Variants in SPTBN1 observed in about 807,000 individuals in gnomAD.
The protein encoded by SPTBN1 is spectrin beta, non-erythrocytic 1.
Under a neutral mutation model 266.4 loss-of-function variants are expected in SPTBN1, and 32 were observed. The ratio of observed to expected loss-of-function variants is 0.12; its 90% CI spans 0.09 to 0.16. The LOEUF (loss-of-function observed/expected upper bound fraction) is 0.16, where lower values mean the gene tolerates loss of function less well. SPTBN1 is among the 10% of genes least tolerant of loss of function. SPTBN1 has a pLI of 1.00. For synonymous variants in SPTBN1, 1,336 were observed against 1,162.2 expected (o/e 1.15, Z -3.04); for missense variants, 2,296 against 3,067.1 (o/e 0.75, Z 5.94).
At chr2:54,578,612 A>G (rs13403284) in intron 2 of SPTBN1, among the ~76,000 whole-genome samples, 48,093 of 151,906 alleles carry the variant, frequency 0.32, 9,404 homozygotes, top group African/African-American at 0.56. Flanking sequence ...GTATCCTAAA[A>G]CCACAAACTT....
chr2:54,592,937 C>T (rs1458184403), intron 2 of SPTBN1, among the ~76,000 whole-genome samples: 1 of 152,142 alleles, frequency 6.6e-6, no homozygotes, highest in Non-Finnish European at 1.5e-5. Flanking sequence ...ATCCCACCTA[C>T]CTAATAGTTT....
At chr2:54,569,188 G>A (rs1014277672) in intron 2 of SPTBN1, among the ~76,000 whole-genome samples, 2 of 152,268 alleles carry the variant, frequency 1.3e-5, no homozygotes, top group Admixed American at 6.5e-5. Context: ...CGGGGTGGGG[G>A]AGATAAGGGA....
chr2:54,650,888 TC>T (rs985683992), intron 26 of SPTBN1, among the ~76,000 whole-genome samples: 1 of 152,222 alleles, frequency 6.6e-6, no homozygotes, highest in Admixed American at 6.5e-5. Flanking sequence ...TGCCTCAGCC[TC>T]TAAATAGCTT....
chr2:54,583,540 T>C (rs1457250254), intron 2 of SPTBN1, among the ~76,000 whole-genome samples: 1 of 152,156 alleles, frequency 6.6e-6, no homozygotes, highest in Non-Finnish European at 1.5e-5. Context: ...TGAAAACTAC[T>C]CCCCTGGCAT....
chr2:54,509,067 G>A (rs1320895836), intron 1 of SPTBN1, among the ~76,000 whole-genome samples: 3 of 152,190 alleles, frequency 2.0e-5, no homozygotes, highest in Non-Finnish European at 1.5e-5. Flanking sequence ...TAATGGAGGG[G>A]GGCAGAGCGG....
intron 2 of SPTBN1, among the ~76,000 whole-genome samples, chr2:54,553,992 AACCAAACAAG>A (rs1672725188): frequency 6.6e-6 from 1 of 152,178 alleles, no homozygotes; most frequent in Non-Finnish European, 1.5e-5. Flanking sequence ...AGAGGAACAA[AACCAAACAAG>A]ACCTAATAAA....
At chr2:54,522,677 A>AGAGG (rs1553439421) in intron 1 of SPTBN1, among the ~76,000 whole-genome samples, 1 of 67,308 alleles carries the variant, frequency 1.5e-5, no homozygotes. Context: ...AGAGAGAGAG[A>AGAGG]GGAGAGAGAG....
chr2:54,536,723 T>C (rs1266137924), intron 2 of SPTBN1, among the ~76,000 whole-genome samples: 4 of 152,126 alleles, frequency 2.6e-5, no homozygotes, highest in Admixed American at 2.6e-4. Context: ...GATATGTGTG[T>C]GGTGGATATG....
intron 2 of SPTBN1, among the ~76,000 whole-genome samples, chr2:54,596,062 C>T (rs189911853): frequency 6.6e-6 from 1 of 152,266 alleles, no homozygotes; most frequent in East Asian, 1.9e-4. Context: ...GCTTCATGCT[C>T]ATAGGCCTGG....
intron 1 of SPTBN1, among the ~76,000 whole-genome samples, chr2:54,465,817 C>T (rs1217575951): frequency 6.6e-6 from 1 of 151,846 alleles, no homozygotes; most frequent in African/African-American, 2.4e-5. Context: ...TGTCCTTAGC[C>T]AGTGGAGGAA....
At chr2:54,525,200 G>A (rs1198764974) in intron 1 of SPTBN1, among the ~76,000 whole-genome samples, 1 of 152,130 alleles carries the variant, frequency 6.6e-6, no homozygotes, top group Non-Finnish European at 1.5e-5. Flanking sequence ...CGTGTATTGA[G>A]CATCTACCAT....
intron 1 of SPTBN1, among the ~76,000 whole-genome samples, chr2:54,477,924 C>T (rs1384984663): frequency 6.6e-6 from 1 of 151,236 alleles, no homozygotes; most frequent in Non-Finnish European, 1.5e-5. Context: ...AAAAAAAAGA[C>T]TGGTAGTAGA....
rs1467767896 is a variant in SPTBN1 at position 54,628,123 on chromosome 2, C to G, written c.1671C>G (p.Gly557=). ...MKVLVLSQDY[G]KHLLGVEDLL... is the part of the protein sequence containing the mutation. ...TGCTAGTATTGTCTCAAGACTATGG[C>G]AAACACTTACTTGGTGTGGAAGACC... Residue 557 remains glycine (G), a synonymous_variant, in exon 13 of 36, where the codon GGC becomes GGG. Transcript: ENST00000356805. This position sits in a 1 kb window ranked among gnomAD's most constrained non-coding sequence, Gnocchi z 4.3. 1.2e-6 allele frequency: 2 copies of G among 1,613,520 alleles called. No individual in the cohort carries two copies. Among genetic ancestry groups the G allele is most frequent in the Middle Eastern group, 1.7e-4 (1 of 6,060 alleles).
intron 1 of SPTBN1, chr2:54,457,420 A>G (rs11898505): frequency 0.76 from 115,647 of 152,478 alleles, 45,046 homozygotes; most frequent in African/African-American, 0.93. Context: ...CCATCAGATG[A>G]GGAGGGGGTG....
intron 2 of SPTBN1, among the ~76,000 whole-genome samples, chr2:54,537,390 A>G (rs1431589094): frequency 6.6e-6 from 1 of 152,250 alleles, no homozygotes; most frequent in Admixed American, 6.5e-5. Context: ...ATCATGGCCA[A>G]CCGGATACTT....
Position 54,649,035 on chromosome 2 carries a change from C to T in SPTBN1, c.5047C>T (p.Leu1683=), listed in dbSNP as rs200511088. The change falls in exon 25 of 36, where the codon CTG becomes TTG. Residue 1683 remains leucine, a synonymous_variant. Coordinates refer to ENST00000356805, the MANE Select transcript of SPTBN1 (RefSeq NM_003128.3). The surrounding 1 kb of genome is among the most constrained non-coding windows in gnomAD (Gnocchi z 6.7). ...QSKVDKLYAG[L]KDLAEERRGK... Reference sequence around the variant, plus strand: ...CAAAGTGGATAAACTGTACGCTGGTCTGAAAGACCTTGCTGAAGAGAGAAG... The same window carrying T: ...CAAAGTGGATAAACTGTACGCTGGTTTGAAAGACCTTGCTGAAGAGAGAAG... The T allele has an allele frequency of 1.7e-5, 27 of 1,613,990 alleles. No homozygotes were observed. Among genetic ancestry groups the T allele is most frequent in the Admixed American group, 1.7e-5 (1 of 59,998 alleles).
intron 1 of SPTBN1, 122 bp from the exon 2 acceptor site, chr2:54,526,250 C>A: frequency 1.3e-6 from 1 of 745,736 alleles, no homozygotes. Flanking sequence ...ACCAGCATTG[C>A]TCCAGAAGAC....
rs559949100 is a variant in SPTBN1 at position 54,656,308 on chromosome 2, C to T, written c.6046+310C>T. On this transcript the variant is annotated intron_variant, in intron 29 of 35. Transcript: ENST00000356805. ...TCTCCCCCATTTGTCTTCAAGAATT[C>T]TTACTACAGAATCAAGTTGGAAAGT... Among the ~76,000 whole-genome samples the T allele has an allele frequency of 2.0e-5, 3 of 152,312 alleles. No homozygotes were observed. The South Asian group carries it at 6.2e-4, about 32-fold the overall frequency.
At position 54,632,676 on chromosome 2, in the gene SPTBN1, C is replaced by G; in HGVS notation, c.3675C>G (p.Ile1225Met). 1 of 1,614,188 alleles carries G rather than the reference C, an allele frequency of 6.2e-7. No homozygotes were observed. The highest frequency in any genetic ancestry group is 1.6e-4 in the Middle Eastern group (1 of 6,062). ...CCATGGACGCCAATGAGGAGAAGAT[C>G]AATGCTGTGGTGGAGACTGGCCGGA... ...MTTMDANEEK[I>M]NAVVETGRRL... The change falls in exon 17 of 36, where the codon ATC becomes ATG. Residue 1225 changes from isoleucine to methionine, a missense_variant. Physicochemically the swap from Ile to Met is conservative, Grantham distance 10 (BLOSUM62 1). Transcript: ENST00000356805.
Sources: gnomAD v4.1 joint callset for allele counts (sites outside exome capture counted in the v4.1 genomes callset) on GRCh38, gnomAD v4.1.1 for gene constraint, Gnocchi (gnomAD v3.1) non-coding constraint, MANE v1.5 for transcripts, NCBI Gene and HGNC (gene_info 2026-07-23, HGNC 2026-07-21) for gene names.